The following PTPRZ1 variants were observed in gnomAD, a reference collection of about 807,000 sequenced individuals.
The protein encoded by PTPRZ1 is protein tyrosine phosphatase receptor type Z1.
In PTPRZ1, 82 loss-of-function variants were observed where a neutral mutation model predicts 214.1. The observed-to-expected ratio is 0.38, with a 90% CI of 0.32 to 0.46. The LOEUF (loss-of-function observed/expected upper bound fraction) is 0.46. Ranked by LOEUF, PTPRZ1 falls within the 20% of genes least tolerant of loss-of-function variation. PTPRZ1 has a pLI of 1.00. For missense variants in PTPRZ1, 2,603 were observed against 2,748.7 expected (o/e 0.95, Z 1.19); for synonymous variants, 945 against 987.9 (o/e 0.96, Z 0.81).
intron 8 of PTPRZ1, among the ~76,000 whole-genome samples, 171 bp downstream of exon 8, chr7:121,984,288 T>C (rs1274323618): frequency 1.3e-5 from 2 of 152,192 alleles, no homozygotes; most frequent in Non-Finnish European, 2.9e-5. Flanking sequence ...ACCACATCTA[T>C]AAAATGGCAA....
At chr7:121,900,757 A>G (rs965899565) in intron 1 of PTPRZ1, among the ~76,000 whole-genome samples, 1 of 152,172 alleles carries the variant, frequency 6.6e-6, no homozygotes, top group African/African-American at 2.4e-5. Flanking sequence ...ATGTTTATGT[A>G]TTCTTTTAAT....
intron 2 of PTPRZ1, among the ~76,000 whole-genome samples, chr7:121,939,011 C>T (rs1297409300): frequency 6.6e-6 from 1 of 152,148 alleles, no homozygotes; most frequent in East Asian, 1.9e-4. Flanking sequence ...CTTTGACTAT[C>T]CATGTGTCTG....
chr7:121,901,225 C>T (rs1794948083), intron 1 of PTPRZ1, among the ~76,000 whole-genome samples: 1 of 152,120 alleles, frequency 6.6e-6, no homozygotes, highest in Non-Finnish European at 1.5e-5. Context: ...AAACATTATG[C>T]ATGCCAGTAA....
At chr7:121,891,327 T>A (rs1325714395) in intron 1 of PTPRZ1, among the ~76,000 whole-genome samples, 1 of 151,964 alleles carries the variant, frequency 6.6e-6, no homozygotes, top group Non-Finnish European at 1.5e-5. Flanking sequence ...ATTCTCTATC[T>A]CTTCCCATTG....
Position 121,914,056 on chromosome 7 carries a change from C to T in PTPRZ1, c.59-14100C>T, listed in dbSNP as rs572017335. On this transcript the variant is annotated intron_variant, in intron 1 of 29. Coordinates refer to ENST00000393386, the MANE Select transcript of PTPRZ1 (RefSeq NM_002851.3). ...TGGCCTGGTGTGGTGGCTCATGCCT[C>T]TGATCCCAGCACTTTTGGAGGCCGA... Among the ~76,000 whole-genome samples the T allele has an allele frequency of 6.8e-4, 104 of 152,254 alleles. 1 individual carries two copies. The highest frequency in any genetic ancestry group is 2.1e-3 in the African/African-American group (87 of 41,554).
At chr7:122,001,817 T>G (rs1454465013) in intron 10 of PTPRZ1, among the ~76,000 whole-genome samples, 1 of 152,218 alleles carries the variant, frequency 6.6e-6, no homozygotes, top group East Asian at 1.9e-4. Flanking sequence ...ATTACAAAAA[T>G]GTGAATTCTA....
intron 13 of PTPRZ1, among the ~76,000 whole-genome samples, chr7:122,026,896 C>T (rs931153765): frequency 5.9e-5 from 9 of 152,142 alleles, no homozygotes; most frequent in East Asian, 3.8e-4. Flanking sequence ...AGAAATGCTT[C>T]GGGGTTACCT....
chr7:122,019,844 A>G (rs1342154265), intron 13 of PTPRZ1, among the ~76,000 whole-genome samples: 1 of 152,184 alleles, frequency 6.6e-6, no homozygotes, highest in African/African-American at 2.4e-5. Context: ...TCAATAATCT[A>G]TTAAGTCCCT....
At chr7:122,049,988 A>G (rs1584778212) in intron 23 of PTPRZ1, among the ~76,000 whole-genome samples, 1 of 152,304 alleles carries the variant, frequency 6.6e-6, no homozygotes, top group East Asian at 1.9e-4. Context: ...ATCAGTGAAG[A>G]AACAGCAGAT....
intron 1 of PTPRZ1, among the ~76,000 whole-genome samples, chr7:121,917,148 A>G (rs1795451363): frequency 6.6e-6 from 1 of 152,216 alleles, no homozygotes; most frequent in Non-Finnish European, 1.5e-5. Context: ...ATAACTAGTA[A>G]TTATCACTTC....
intron 2 of PTPRZ1, among the ~76,000 whole-genome samples, chr7:121,943,155 A>G (rs1796277045): frequency 6.6e-6 from 1 of 152,216 alleles, no homozygotes; most frequent in African/African-American, 2.4e-5. Context: ...GACTATCTTT[A>G]CAAGCGTGCT....
Position 121,984,591 on chromosome 7 carries a change from G to A in PTPRZ1, c.928+474G>A, listed in dbSNP as rs1035690304. 2.0e-5 allele frequency among the ~76,000 whole-genome samples: 3 copies of A among 152,254 alleles called. No individual in the cohort carries two copies. In the East Asian group the frequency reaches 5.8e-4, roughly 29 times the overall value. On this transcript the variant is annotated intron_variant, in intron 8 of 29. Coordinates refer to ENST00000393386, the MANE Select transcript of PTPRZ1 (RefSeq NM_002851.3). ...CTTGACACAGTATTTGGGTTTTAAAGTGCTCATCTTTGTGTTGGCAGCCCC... is the reference window on the plus strand; with the variant it reads ...CTTGACACAGTATTTGGGTTTTAAAATGCTCATCTTTGTGTTGGCAGCCCC...
intron 27 of PTPRZ1, among the ~76,000 whole-genome samples, chr7:122,058,532 A>G (rs1184835623): frequency 4.6e-5 from 7 of 152,150 alleles, no homozygotes; most frequent in Non-Finnish European, 1.0e-4. Flanking sequence ...GTTTGTAAGC[A>G]TTGGCATATT....
rs1797455133 is a variant in PTPRZ1, at chr7:121,976,894, G to A, written c.619+43G>A. 9 of 1,533,598 alleles carry A rather than the reference G, an allele frequency of 5.9e-6. No individual in the cohort carries two copies. The East Asian group carries it at 2.1e-4, about 35-fold the overall frequency. The allele number at this position is 1,533,598 out of a possible 1,614,324, so 95.0% of individuals were successfully genotyped here. ...CTATCTTTCTTCAGGATTCTGCTTT[G>A]GATGGATAAGAATGTTGACAATACG... is the stretch of plus-strand genomic sequence containing the variant. On this transcript the variant is annotated intron_variant, in intron 6 of 29. Coordinates refer to ENST00000393386, the MANE Select transcript of PTPRZ1 (RefSeq NM_002851.3).
Position 122,012,993 on chromosome 7 carries a change from T to C in PTPRZ1, c.3947T>C (p.Val1316Ala), listed in dbSNP as rs1395021321. The C allele has an allele frequency of 6.2e-7, 1 of 1,614,052 alleles. No individual in the cohort carries two copies. Among genetic ancestry groups the C allele is most frequent in the Non-Finnish European group, 8.5e-7 (1 of 1,180,008 alleles). Residue 1316 changes from valine (V) to alanine (A), a missense_variant, in exon 12 of 30, where the codon GTT (valine) becomes GCT (alanine). By Grantham distance (64) the Val-to-Ala change is moderately conservative. Around this residue, in one of 6 missense-constraint regions of PTPRZ1, gnomAD observed 1,913 missense variants for 1,914.3 expected, o/e 1.00. Transcript: ENST00000393386. ...PKGRHVFATP[V>A]LSIDEPLNTL... ...GGAAGGCATGTATTTGCTACACCTG[T>C]TTTATCAATTGATGAACCATTAAAT...
intron 2 of PTPRZ1, among the ~76,000 whole-genome samples, chr7:121,933,519 G>A (rs1795986171): frequency 6.6e-6 from 1 of 151,932 alleles, no homozygotes; most frequent in Admixed American, 6.5e-5. Flanking sequence ...AAATAAGAAA[G>A]TATGGCTGTT....
chr7:122,010,183 T>C (rs1228227155), intron 11 of PTPRZ1, 151 bp from the exon 12 acceptor site: 1 of 679,486 alleles, frequency 1.5e-6, no homozygotes. Flanking sequence ...GTAAAGGTTG[T>C]AGGTTAGAGG....
At chr7:122,001,350 T>G (rs1039931394) in intron 10 of PTPRZ1, among the ~76,000 whole-genome samples, 7 of 152,200 alleles carry the variant, frequency 4.6e-5, no homozygotes, top group African/African-American at 1.7e-4. Context: ...TTATGTTTAT[T>G]TCTCATATAA....
At chr7:122,048,558 C>T (rs1372801935) in intron 23 of PTPRZ1, among the ~76,000 whole-genome samples, 1 of 152,040 alleles carries the variant, frequency 6.6e-6, no homozygotes, top group East Asian at 1.9e-4. Flanking sequence ...ATTTACCCTC[C>T]TGTGATTATT....
Sources: gnomAD v4.1 joint callset for allele counts (sites outside exome capture counted in the v4.1 genomes callset) on GRCh38, gnomAD v4.1.1 for gene constraint, gnomAD v4.1.1 regional missense constraint, MANE v1.5 for transcripts, NCBI Gene and HGNC (gene_info 2026-07-23, HGNC 2026-07-21) for gene names.